SMYD3: variants seen among roughly 807,000 people sequenced by gnomAD.
SMYD3 encodes the protein SET and MYND domain containing 3, also known as histone-lysine N-methyltransferase SMYD3.
SMYD3 carries 36 observed loss-of-function variants against 57.7 expected under a neutral mutation model. The observed-to-expected ratio is 0.62, with a 90% confidence interval of 0.48 to 0.82. The LOEUF (loss-of-function observed/expected upper bound fraction) is 0.82. Among genes scored for constraint, SMYD3 ranks in the 40% least tolerant of loss-of-function variants. The probability of loss-of-function intolerance (pLI) is 0.00; values close to 1 mark genes in which losing one functional copy is unlikely to be tolerated. For synonymous variants in SMYD3, 211 were observed against 195.0 expected (o/e 1.08, Z -0.68); for missense variants, 515 against 538.8 (o/e 0.96, Z 0.44).
chr1:245,795,521 A>G (rs1025466598), intron 10 of SMYD3, among the ~76,000 whole-genome samples: 1 of 151,898 alleles, frequency 6.6e-6, no homozygotes, highest in Non-Finnish European at 1.5e-5. Flanking sequence ...ACTTCTTTGC[A>G]TTTCTCTTCT....
intron 5 of SMYD3, among the ~76,000 whole-genome samples, chr1:246,317,651 TG>T (rs1236044842): frequency 6.6e-6 from 1 of 152,220 alleles, no homozygotes; most frequent in South Asian, 2.1e-4. Flanking sequence ...ACGATAAGCA[TG>T]TGAGGTAATG....
chr1:246,037,031 T>C (rs1181227045), intron 5 of SMYD3, among the ~76,000 whole-genome samples: 1 of 152,142 alleles, frequency 6.6e-6, no homozygotes, highest in Non-Finnish European at 1.5e-5. Flanking sequence ...ATAATTTATA[T>C]AACCAGTTCC....
intron 5 of SMYD3, among the ~76,000 whole-genome samples, chr1:246,259,889 C>T (rs752005304): frequency 5.3e-5 from 8 of 152,194 alleles, no homozygotes; most frequent in Non-Finnish European, 8.8e-5. Context: ...TGGGAAACCT[C>T]TTCAGCATCA....
At chr1:246,289,463 C>A (rs914986343) in intron 5 of SMYD3, among the ~76,000 whole-genome samples, 9 of 152,224 alleles carry the variant, frequency 5.9e-5, no homozygotes, top group African/African-American at 1.9e-4. Flanking sequence ...CTTCAGTACT[C>A]TGGACCTGCA....
intron 1 of SMYD3, among the ~76,000 whole-genome samples, chr1:246,460,669 A>G (rs969021618): frequency 6.6e-6 from 1 of 152,186 alleles, no homozygotes; most frequent in Admixed American, 6.5e-5. Flanking sequence ...AAAATCCTTT[A>G]GTGTTTTAAT....
chr1:246,308,296 G>C (rs1345063001), intron 5 of SMYD3, among the ~76,000 whole-genome samples: 2 of 152,006 alleles, frequency 1.3e-5, no homozygotes, highest in African/African-American at 4.8e-5. Flanking sequence ...CAAATTTGTT[G>C]AACTGAAATT....
intron 1 of SMYD3, among the ~76,000 whole-genome samples, chr1:246,444,665 A>G (rs2067526206): frequency 6.6e-6 from 1 of 152,208 alleles, no homozygotes; most frequent in African/African-American, 2.4e-5. Flanking sequence ...TCTAAATACC[A>G]TTAAAACTAT....
chr1:246,391,405 AG>A (rs1558440321), intron 1 of SMYD3, among the ~76,000 whole-genome samples: 19 of 45,028 alleles, frequency 4.2e-4, no homozygotes, highest in South Asian at 1.1e-3. Context: ...AGAGAGAGAG[AG>A]AAAGAGAGAG....
intron 10 of SMYD3, among the ~76,000 whole-genome samples, chr1:245,773,385 G>A (rs2046417799): frequency 6.6e-6 from 1 of 152,182 alleles, no homozygotes; most frequent in African/African-American, 2.4e-5. Context: ...AGAAACTCTT[G>A]CCTATATTTG....
chr1:246,159,025 C>T (rs1479532628), intron 5 of SMYD3, among the ~76,000 whole-genome samples: 5 of 151,922 alleles, frequency 3.3e-5, no homozygotes, highest in African/African-American at 7.3e-5. Context: ...GAATACACCA[C>T]GAGCGTGTGG....
intron 11 of SMYD3, among the ~76,000 whole-genome samples, chr1:245,761,786 CTTT>C (rs534305833): frequency 8.6e-6 from 1 of 115,704 alleles, no homozygotes; most frequent in Non-Finnish European, 1.7e-5. Context: ...CATATTGAGT[CTTT>C]TTTTTTTTTT....
At chr1:246,005,532 G>A (rs2059153561) in intron 5 of SMYD3, among the ~76,000 whole-genome samples, 1 of 152,166 alleles carries the variant, frequency 6.6e-6, no homozygotes, top group East Asian at 1.9e-4. Flanking sequence ...GAGGATGTGA[G>A]GATAAGCAAA....
intron 5 of SMYD3, among the ~76,000 whole-genome samples, chr1:245,997,289 A>C (rs1235397520): frequency 1.3e-5 from 2 of 152,250 alleles, no homozygotes; most frequent in Non-Finnish European, 1.5e-5. Flanking sequence ...GGGGATGTCA[A>C]CTGGGGAGTG....
chr1:246,490,185 C>T (rs551644968), intron 1 of SMYD3, among the ~76,000 whole-genome samples: 1 of 152,060 alleles, frequency 6.6e-6, no homozygotes, highest in Non-Finnish European at 1.5e-5. Context: ...TAAACATTCG[C>T]TGTGACATAC....
chr1:246,180,302 G>GTA (rs964982924), intron 5 of SMYD3, among the ~76,000 whole-genome samples: 1 of 142,334 alleles, frequency 7.0e-6, no homozygotes, highest in Non-Finnish European at 1.5e-5. Flanking sequence ...ATATATATAA[G>GTA]TATATATATA....
At chr1:246,000,992 T>A (rs2059031023) in intron 5 of SMYD3, among the ~76,000 whole-genome samples, 1 of 152,168 alleles carries the variant, frequency 6.6e-6, no homozygotes, top group Non-Finnish European at 1.5e-5. Context: ...TTTCTAAAGT[T>A]CTGTGATGGT....
At chr1:246,133,530 T>C (rs2061619726) in intron 5 of SMYD3, among the ~76,000 whole-genome samples, 1 of 152,100 alleles carries the variant, frequency 6.6e-6, no homozygotes, top group Non-Finnish European at 1.5e-5. Context: ...TTTTCCTTAG[T>C]TAAGAATGTA....
chr1:245,949,357 T>A (rs769474709), intron 5 of SMYD3, among the ~76,000 whole-genome samples: 4 of 151,888 alleles, frequency 2.6e-5, no homozygotes, highest in Non-Finnish European at 5.9e-5. Flanking sequence ...GGGGTCCCTG[T>A]CCCCAGCAAA....
At chr1:245,921,549 GTATATA>G (rs143521072) in intron 7 of SMYD3, among the ~76,000 whole-genome samples, 118,483 of 142,250 alleles carry the variant, frequency 0.83, 49,712 homozygotes, top group Non-Finnish European at 0.9. Context: ...AAAATGTGGT[GTATATA>G]TATATATATA....
Sources: allele counts gnomAD v4.1 joint callset (sites outside exome capture counted in the v4.1 genomes callset), GRCh38; gene constraint gnomAD v4.1.1; transcripts MANE v1.5; gene names NCBI Gene and HGNC (gene_info 2026-07-23, HGNC 2026-07-21).